AKAP6: variants seen among roughly 807,000 people sequenced by gnomAD.
AKAP6 encodes A-kinase anchor protein 6.
Under a neutral mutation model 188.5 loss-of-function variants are expected in AKAP6, and 58 were observed. That is an observed-to-expected ratio of 0.31 (90% CI 0.25 to 0.38). The LOEUF (loss-of-function observed/expected upper bound fraction) is 0.38, where lower values mean the gene tolerates loss of function less well. Among genes scored for constraint, AKAP6 ranks in the 10% least tolerant of loss-of-function variants. The probability of loss-of-function intolerance (pLI) is 1.00; values close to 1 mark genes in which losing one functional copy is unlikely to be tolerated. For synonymous variants in AKAP6, 989 were observed against 998.6 expected, an observed-to-expected ratio of 0.99 and a Z score of 0.18; for missense variants, 2,710 against 2,740.0, an observed-to-expected ratio of 0.99 and a Z score of 0.24.
rs191475969 is a variant in AKAP6 at position 32,573,433 on chromosome 14, T to G, written c.2347-3687T>G. 2.9e-3 allele frequency among the ~76,000 whole-genome samples: 449 copies of G among 152,284 alleles called. 6 individuals are homozygous for G. Among genetic ancestry groups the G allele is most frequent in the East Asian group, 0.013 (68 of 5,184 alleles). On this transcript the variant is annotated intron_variant, in intron 4 of 13. Transcript: ENST00000280979. The stretch of plus-strand genomic sequence containing the variant: ...TACTAAGAGTGAGAACAAACTTGGT[T>G]ACAGACAGAATTCCGATACAGATAT...
At chr14:32,793,813 A>G (rs1468327194) in intron 12 of AKAP6, among the ~76,000 whole-genome samples, 1 of 151,972 alleles carries the variant, frequency 6.6e-6, no homozygotes, top group Admixed American at 6.6e-5. Flanking sequence ...TATCCTAAAT[A>G]TATATGCACC....
intron 4 of AKAP6, among the ~76,000 whole-genome samples, chr14:32,559,599 C>A (rs1391957231): frequency 1.3e-5 from 2 of 152,026 alleles, no homozygotes; most frequent in Non-Finnish European, 2.9e-5. Flanking sequence ...CTGGGCACAC[C>A]TCTAGCAGTA....
intron 5 of AKAP6, among the ~76,000 whole-genome samples, chr14:32,587,491 AG>A (rs1010896969): frequency 6.6e-6 from 1 of 152,192 alleles, no homozygotes; most frequent in Admixed American, 6.5e-5. Context: ...TACTTAGACT[AG>A]GAAGGAACAA....
intron 2 of AKAP6, among the ~76,000 whole-genome samples, chr14:32,436,763 C>G (rs1000863867): frequency 6.6e-6 from 1 of 152,008 alleles, no homozygotes; most frequent in African/African-American, 2.4e-5. Context: ...ATGGTGAAAC[C>G]CTGTCTCTAC....
intron 2 of AKAP6, among the ~76,000 whole-genome samples, chr14:32,499,356 G>C (rs1206428117): frequency 7.9e-6 from 1 of 126,666 alleles, no homozygotes; most frequent in African/African-American, 2.9e-5. Flanking sequence ...AAGAGAGAAA[G>C]AGTGGAAGAA....
chr14:32,362,266 T>C (rs749187076), intron 1 of AKAP6, among the ~76,000 whole-genome samples: 3 of 152,204 alleles, frequency 2.0e-5, no homozygotes, highest in Non-Finnish European at 4.4e-5. Flanking sequence ...GAACCTCCTA[T>C]ATGTCAGTAC....
chr14:32,392,777 C>A (rs1888754052), intron 1 of AKAP6, among the ~76,000 whole-genome samples: 1 of 151,910 alleles, frequency 6.6e-6, no homozygotes, highest in Non-Finnish European at 1.5e-5. Context: ...CAAATTTGAG[C>A]CACAAAATAA....
At chr14:32,627,615 CTT>C (rs1887078792) in intron 7 of AKAP6, among the ~76,000 whole-genome samples, 1 of 152,080 alleles carries the variant, frequency 6.6e-6, no homozygotes, top group Non-Finnish European at 1.5e-5. Context: ...GTTAGTGTCT[CTT>C]CTCTTTTTTC....
intron 12 of AKAP6, among the ~76,000 whole-genome samples, chr14:32,801,057 G>C (rs763652860): frequency 6.6e-6 from 1 of 152,038 alleles, no homozygotes; most frequent in East Asian, 1.9e-4. Flanking sequence ...TGTATAGACA[G>C]CATATAGTTG....
At chr14:32,785,991 A>G (rs1238841912) in intron 12 of AKAP6, among the ~76,000 whole-genome samples, 1 of 152,228 alleles carries the variant, frequency 6.6e-6, no homozygotes, top group Non-Finnish European at 1.5e-5. Context: ...GATGTCCCCA[A>G]GTAATGTCCA....
intron 9 of AKAP6, among the ~76,000 whole-genome samples, chr14:32,728,268 A>T (rs1018594390): frequency 1.9e-5 from 2 of 106,232 alleles, no homozygotes; most frequent in South Asian, 6.2e-4. Context: ...TTTTGCCAGT[A>T]GTTTGGTGTT....
intron 2 of AKAP6, among the ~76,000 whole-genome samples, chr14:32,441,727 G>T (rs1167903323): frequency 6.6e-6 from 1 of 152,164 alleles, no homozygotes; most frequent in Non-Finnish European, 1.5e-5. Context: ...CAGAATGAGA[G>T]CATTATTTGT....
At chr14:32,687,565 A>G (rs987639199) in intron 8 of AKAP6, among the ~76,000 whole-genome samples, 1 of 151,878 alleles carries the variant, frequency 6.6e-6, no homozygotes, top group Non-Finnish European at 1.5e-5. Flanking sequence ...TTTTTGGTGC[A>G]CACCAGCCAT....
chr14:32,630,991 C>T (rs993787247), intron 7 of AKAP6, among the ~76,000 whole-genome samples: 4 of 151,890 alleles, frequency 2.6e-5, no homozygotes, highest in Non-Finnish European at 5.9e-5. Context: ...CTTTCTACTG[C>T]TAATAGTTTT....
chr14:32,558,954 G>A (rs1379895048), intron 4 of AKAP6, among the ~76,000 whole-genome samples: 1 of 152,182 alleles, frequency 6.6e-6, no homozygotes, highest in East Asian at 1.9e-4. Flanking sequence ...TCTAAGCTAT[G>A]AATATTGGGA....
intron 12 of AKAP6, among the ~76,000 whole-genome samples, chr14:32,788,425 G>A (rs1004335288): frequency 9.2e-5 from 14 of 152,194 alleles, no homozygotes; most frequent in African/African-American, 3.4e-4. Flanking sequence ...GGAATGAAAA[G>A]GGGCAAGGGA....
intron 10 of AKAP6, chr14:32,734,175 C>T (rs1462917353): frequency 6.6e-6 from 1 of 151,950 alleles, no homozygotes; most frequent in African/African-American, 2.4e-5. Context: ...CTGTACCACA[C>T]TAACACCACC....
At position 32,600,703 on chromosome 14, in the gene AKAP6, T is replaced by G; in HGVS notation, c.2641T>G (p.Trp881Gly). ...LQRQIKRQHS[W>G]ILRALDTIKA... Reference sequence around the variant, plus strand: ...GAGGCAAATCAAACGGCAGCACAGCTGGATTCTCAGGGCTCTGGATACCAT... The same window carrying G: ...GAGGCAAATCAAACGGCAGCACAGCGGGATTCTCAGGGCTCTGGATACCAT... Residue 881 changes from tryptophan (W) to glycine (G), a missense_variant, in exon 7 of 14, where the codon TGG (tryptophan) becomes GGG (glycine). By Grantham distance (184) the Trp-to-Gly change is radical. Around this residue, in one of 2 missense-constraint regions of AKAP6, gnomAD observed 2,473 missense variants for 2,426.1 expected, o/e 1.02. Coordinates refer to ENST00000280979, the MANE Select transcript of AKAP6 (RefSeq NM_004274.5). 6.2e-7 allele frequency: 1 copy of G among 1,613,686 alleles called. No individual in the cohort carries two copies. Among genetic ancestry groups the G allele is most frequent in the Non-Finnish European group, 8.5e-7 (1 of 1,179,828 alleles).
chr14:32,444,815 A>G (rs1890706527), intron 2 of AKAP6, among the ~76,000 whole-genome samples: 1 of 152,218 alleles, frequency 6.6e-6, no homozygotes, highest in Admixed American at 6.5e-5. Flanking sequence ...TAATTCAAGC[A>G]GTAGTATTAA....
Sources: allele counts gnomAD v4.1 joint callset (sites outside exome capture counted in the v4.1 genomes callset), GRCh38; gene constraint gnomAD v4.1.1; regional missense constraint gnomAD v4.1.1; transcripts MANE v1.5; gene names NCBI Gene and HGNC (gene_info 2026-07-23, HGNC 2026-07-21).